C2orf42: variants seen among roughly 807,000 people sequenced by gnomAD.
The protein encoded by C2orf42 is uncharacterized protein C2orf42.
C2orf42 carries 44 observed loss-of-function variants against 58.9 expected under a neutral mutation model. The observed-to-expected ratio is 0.75, with a 90% confidence interval of 0.59 to 0.96. The LOEUF is 0.96. C2orf42 is among the 40% of genes least tolerant of loss of function. The pLI is 0.00. For synonymous variants in C2orf42, 239 were observed against 265.4 expected, an observed-to-expected ratio of 0.90 and a Z score of 0.97; for missense variants, 630 against 699.2, an observed-to-expected ratio of 0.90 and a Z score of 1.12.
chr2:70,167,690 G>C (rs529265247), intron 6 of C2orf42, among the ~76,000 whole-genome samples: 45 of 151,268 alleles, frequency 3.0e-4, no homozygotes, highest in African/African-American at 1.1e-3. Flanking sequence ...GCAGTGAACT[G>C]AGATTGTACC....
chr2:70,151,046 A>G (rs1490000824), intron 9 of C2orf42, among the ~76,000 whole-genome samples: 2 of 152,164 alleles, frequency 1.3e-5, no homozygotes, highest in African/African-American at 4.8e-5. Context: ...CCCAGCCATC[A>G]TGAAGTTAAA....
intron 1 of C2orf42, among the ~76,000 whole-genome samples, chr2:70,186,352 A>G (rs1040319884): frequency 6.6e-6 from 1 of 152,116 alleles, no homozygotes; most frequent in Non-Finnish European, 1.5e-5. Flanking sequence ...TGTATATATG[A>G]AAGAGCTTAG....
chr2:70,180,079 G>T (rs1674452636), intron 3 of C2orf42, among the ~76,000 whole-genome samples: 1 of 152,162 alleles, frequency 6.6e-6, no homozygotes, highest in South Asian at 2.1e-4. Flanking sequence ...ATCACCTGAG[G>T]TCAGGAGTTT....
In C2orf42 at chr2:70,150,096, GT is replaced by G; in HGVS notation, c.*259del. The G allele has an allele frequency of 2.0e-6, 1 of 509,902 alleles. No individual in the cohort carries two copies. The highest frequency in any genetic ancestry group is 1.9e-5 in the African/African-American group (1 of 52,234). 31.6% of individuals were successfully genotyped at this position (509,902 alleles called of 1,614,324 possible). ...AGTCCGTAAGAAGGAAAATAAGCTG[GT>G]TTTCTTTCTGTTCCTTTTAAAACTC... On this transcript the variant is annotated 3_prime_UTR_variant, in exon 10 of 10. Coordinates refer to ENST00000264434, the MANE Select transcript of C2orf42 (RefSeq NM_017880.3).
chr2:70,160,474 T>C (rs912562674), intron 9 of C2orf42, 151 bp downstream of exon 9: 13 of 554,144 alleles, frequency 2.3e-5, no homozygotes, highest in Middle Eastern at 3.3e-4. Flanking sequence ...ACTGGTTCAA[T>C]TGAAACAAAA....
At chr2:70,178,556 G>A (rs781370572) in intron 4 of C2orf42, among the ~76,000 whole-genome samples, 4 of 152,046 alleles carry the variant, frequency 2.6e-5, no homozygotes, top group East Asian at 1.9e-4. Flanking sequence ...GCAGTGAGCC[G>A]AAGATCGCAT....
In C2orf42 at chr2:70,150,409, G is replaced by C. The variant is rs1371245891; in HGVS notation, c.1672C>G (p.Pro558Ala). 6.2e-7 allele frequency: 1 copy of C among 1,614,156 alleles called. No homozygotes were observed. The highest frequency in any genetic ancestry group is 8.5e-7 in the Non-Finnish European group (1 of 1,180,040). Reference protein sequence around the residue: ...HVAEYQDQRPPLDQPLELAPL... With the variant: ...HVAEYQDQRPALDQPLELAPL... ...GCCAGTTCCAAGGGCTGGTCCAAGG[G>C]GGGCCGCTGGTCTTGGTACTCCGCC... The change falls in exon 10 of 10, where the codon CCC becomes GCC. Residue 558 changes from proline (P) to alanine (A), a missense_variant. Transcript: ENST00000264434.
chr2:70,175,901 T>C, intron 4 of C2orf42, 124 bp from the exon 5 acceptor site: 1 of 690,820 alleles, frequency 1.4e-6, no homozygotes, highest in South Asian at 1.7e-5. Flanking sequence ...CTTCACAGTT[T>C]CTAGGAGTTA....
chr2:70,173,003 A>G (rs563233075), intron 5 of C2orf42, among the ~76,000 whole-genome samples: 1 of 152,148 alleles, frequency 6.6e-6, no homozygotes, highest in African/African-American at 2.4e-5. Flanking sequence ...TCTCTACCAA[A>G]AATACAAAAA....
At chr2:70,166,483 T>C (rs1439719925) in intron 6 of C2orf42, among the ~76,000 whole-genome samples, 1 of 133,474 alleles carries the variant, frequency 7.5e-6, no homozygotes, top group Admixed American at 8.0e-5. Flanking sequence ...TTGGCCAACA[T>C]GGTGAAAACC....
At chr2:70,189,797 C>T (rs932583694) in intron 1 of C2orf42, among the ~76,000 whole-genome samples, 11 of 149,570 alleles carry the variant, frequency 7.4e-5, no homozygotes, top group Non-Finnish European at 1.3e-4. Flanking sequence ...GAGGCTGAGG[C>T]GGGAGGATCA....
intron 9 of C2orf42, among the ~76,000 whole-genome samples, chr2:70,151,918 A>T (rs1672339158): frequency 6.6e-6 from 1 of 151,954 alleles, no homozygotes; most frequent in Non-Finnish European, 1.5e-5. Context: ...CTGGGACTAC[A>T]GGCACGCACC....
chr2:70,153,797 T>C (rs1298395717), intron 9 of C2orf42, among the ~76,000 whole-genome samples: 1 of 151,360 alleles, frequency 6.6e-6, no homozygotes, highest in African/African-American at 2.4e-5. Flanking sequence ...CGGTGGCTCA[T>C]GCCTGTAATC....
chr2:70,190,710 A>T (rs890525853), intron 1 of C2orf42: 1 of 151,956 alleles, frequency 6.6e-6, no homozygotes, highest in African/African-American at 2.4e-5. Context: ...GGCTTCCGGG[A>T]TGGGTCTGCA....
Position 70,169,588 on chromosome 2 carries a change from G to T in C2orf42, c.1113C>A (p.Arg371=). 1 of 1,603,140 alleles carries T rather than the reference G, an allele frequency of 6.2e-7. No homozygotes were observed. Among genetic ancestry groups the T allele is most frequent in the Non-Finnish European group, 8.5e-7 (1 of 1,170,208 alleles). ...FQDWLASVTE[R]IHQTMHYQFD... ...ACTGATAGTGCATGGTTTGATGGAT[G>T]CGTTCTGTGACACTGGCCAGCCAGT... Residue 371 remains arginine (R), a synonymous_variant, in exon 6 of 10, where the codon CGC becomes CGA. Coordinates refer to ENST00000264434, the MANE Select transcript of C2orf42 (RefSeq NM_017880.3).
chr2:70,163,885 T>G (rs1374552205), intron 8 of C2orf42, among the ~76,000 whole-genome samples: 1 of 151,746 alleles, frequency 6.6e-6, no homozygotes, highest in Non-Finnish European at 1.5e-5. Context: ...AAATGTCTAG[T>G]GTGGCTGGAA....
chr2:70,165,923 C>T (rs1673369194), intron 6 of C2orf42, among the ~76,000 whole-genome samples: 2 of 151,948 alleles, frequency 1.3e-5, no homozygotes, highest in Admixed American at 1.3e-4. Flanking sequence ...TGGAGTCTCA[C>T]TCTGTTGCCC....
At chr2:70,159,744 C>T (rs1275492974) in intron 9 of C2orf42, among the ~76,000 whole-genome samples, 1 of 151,944 alleles carries the variant, frequency 6.6e-6, no homozygotes, top group Non-Finnish European at 1.5e-5. Context: ...GCTATATTGC[C>T]CAGGCTGGTC....
intron 1 of C2orf42, among the ~76,000 whole-genome samples, chr2:70,186,580 C>G (rs1371555579): frequency 6.6e-6 from 1 of 152,166 alleles, no homozygotes; most frequent in Non-Finnish European, 1.5e-5. Context: ...ACTAGAAATA[C>G]CATTTGACCA....
Sources: allele counts gnomAD v4.1 joint callset (sites outside exome capture counted in the v4.1 genomes callset), GRCh38; gene constraint gnomAD v4.1.1; transcripts MANE v1.5; gene names NCBI Gene and HGNC (gene_info 2026-07-23, HGNC 2026-07-21).